ANO4: variants seen among roughly 807,000 people sequenced by gnomAD.
ANO4 encodes the protein anoctamin 4, also known as anoctamin-4.
A neutral mutation model predicts 141.9 loss-of-function variants in ANO4; 69 were observed. That is an observed-to-expected ratio of 0.49 (90% CI 0.40 to 0.59). The LOEUF (loss-of-function observed/expected upper bound fraction) is 0.59, where lower values mean the gene tolerates loss of function less well. Ranked by LOEUF, ANO4 falls within the 20% of genes least tolerant of loss-of-function variation. The probability of loss-of-function intolerance (pLI) is 0.00; values close to 1 mark genes in which losing one functional copy is unlikely to be tolerated. For missense variants in ANO4, 894 were observed against 1,162.2 expected (o/e 0.77, Z 3.36); for synonymous variants, 350 against 394.3 (o/e 0.89, Z 1.33).
At chr12:100,970,845 A>G (rs928624066) in intron 5 of ANO4, among the ~76,000 whole-genome samples, 15 of 152,006 alleles carry the variant, frequency 9.9e-5, no homozygotes, top group Non-Finnish European at 2.2e-4. Flanking sequence ...CAGCCTCCCC[A>G]GTACCTGGGG....
At chr12:101,098,991 C>T (rs1159326984) in intron 21 of ANO4, among the ~76,000 whole-genome samples, 1 of 152,160 alleles carries the variant, frequency 6.6e-6, no homozygotes, top group Non-Finnish European at 1.5e-5. Context: ...AAAATGCACT[C>T]CTGAACACTG....
rs773851110 is a variant in ANO4, at chr12:101,110,574, A to G, written c.2302+18A>G. On this transcript the variant is annotated intron_variant, in intron 23 of 27. Transcript: ENST00000392977. ...AGACATAGGTAAGTTGGATTTGGGT[A>G]TGTTTTTAAAAAACATATTAAACAT... 6.5e-7 allele frequency: 1 copy of G among 1,528,964 alleles called. No individual in the cohort carries two copies. The highest frequency in any genetic ancestry group is 8.8e-7 in the Non-Finnish European group (1 of 1,140,514). The allele number at this position is 1,528,964 out of a possible 1,614,324, so 94.7% of individuals were successfully genotyped here. A position where few individuals can be genotyped will look rare whatever the true frequency, so the allele number is the denominator to read the frequency against.
chr12:101,088,517 T>G (rs1456270164), intron 17 of ANO4, among the ~76,000 whole-genome samples: 1 of 152,036 alleles, frequency 6.6e-6, no homozygotes, highest in Non-Finnish European at 1.5e-5. Flanking sequence ...TTCTTTATTT[T>G]GTTTGTTTGT....
intron 17 of ANO4, among the ~76,000 whole-genome samples, chr12:101,091,885 A>G (rs900665164): frequency 6.6e-6 from 1 of 152,090 alleles, no homozygotes; most frequent in Non-Finnish European, 1.5e-5. Flanking sequence ...ATTTTTACAA[A>G]AGCCCTCTAG....
intron 1 of ANO4, among the ~76,000 whole-genome samples, chr12:100,730,745 T>A (rs2031349522): frequency 1.3e-5 from 2 of 152,206 alleles, no homozygotes; most frequent in Admixed American, 1.3e-4. Flanking sequence ...GGAAGCATTC[T>A]AGAGATTGGA....
At chr12:100,895,407 G>A (rs1489613692) in intron 1 of ANO4, among the ~76,000 whole-genome samples, 1 of 152,100 alleles carries the variant, frequency 6.6e-6, no homozygotes, top group East Asian at 1.9e-4. Context: ...ACTGCTAACT[G>A]TGCAGTGAAG....
At chr12:100,929,074 A>G (rs2041987906) in intron 3 of ANO4, among the ~76,000 whole-genome samples, 1 of 152,108 alleles carries the variant, frequency 6.6e-6, no homozygotes, top group Non-Finnish European at 1.5e-5. Flanking sequence ...ACATCAGTGT[A>G]AATGGGGTAT....
At chr12:100,949,004 C>T (rs1186850347) in intron 5 of ANO4, among the ~76,000 whole-genome samples, 1 of 152,128 alleles carries the variant, frequency 6.6e-6, no homozygotes, top group African/African-American at 2.4e-5. Context: ...GGCCACCTAG[C>T]AAAGAAAGGT....
intron 25 of ANO4, among the ~76,000 whole-genome samples, chr12:101,118,988 A>G (rs1396886450): frequency 6.6e-6 from 1 of 150,462 alleles, no homozygotes; most frequent in Non-Finnish European, 1.5e-5. Flanking sequence ...TGTCCTTGAG[A>G]TAGTTTGCTG....
At chr12:100,932,473 G>A (rs919958748) in intron 3 of ANO4, among the ~76,000 whole-genome samples, 5 of 151,018 alleles carry the variant, frequency 3.3e-5, no homozygotes, top group Admixed American at 2.6e-4. Flanking sequence ...CTAAATCTTT[G>A]TTCAATGAAC....
chr12:101,033,462 TATAATA>T (rs756110474), intron 9 of ANO4, among the ~76,000 whole-genome samples: 61 of 150,886 alleles, frequency 4.0e-4, no homozygotes, highest in Non-Finnish European at 6.9e-4. Flanking sequence ...AAACTTAAAG[TATAATA>T]ATAATAATAA....
chr12:101,031,652 G>A (rs2046980929), intron 9 of ANO4, among the ~76,000 whole-genome samples: 2 of 152,180 alleles, frequency 1.3e-5, no homozygotes, highest in Admixed American at 1.3e-4. Context: ...CTCTCTGTTT[G>A]CAGATGACAT....
intron 1 of ANO4, among the ~76,000 whole-genome samples, chr12:100,730,456 C>G (rs951012322): frequency 6.6e-6 from 1 of 152,166 alleles, no homozygotes; most frequent in Non-Finnish European, 1.5e-5. Flanking sequence ...TGACTCTCAT[C>G]CCAGTGCTTT....
At chr12:100,743,347 G>C (rs1244389348) in intron 3 of ANO4, among the ~76,000 whole-genome samples, 2 of 151,480 alleles carry the variant, frequency 1.3e-5, no homozygotes, top group African/African-American at 2.4e-5. Flanking sequence ...TCAATTAAAA[G>C]AAGGTAAATT....
At chr12:100,934,080 G>T (rs1040450708) in intron 3 of ANO4, among the ~76,000 whole-genome samples, 1 of 151,970 alleles carries the variant, frequency 6.6e-6, no homozygotes, top group Non-Finnish European at 1.5e-5. Flanking sequence ...TTCTTTTGCC[G>T]TGCAGAACCT....
chr12:100,997,943 G>A (rs2045464299), intron 8 of ANO4, among the ~76,000 whole-genome samples: 1 of 152,114 alleles, frequency 6.6e-6, no homozygotes, highest in Admixed American at 6.6e-5. Flanking sequence ...AACTGCTCAT[G>A]GCCATAACTT....
rs74827246 is a variant in ANO4, at chr12:100,862,867, A to G, written c.-140-38779A>G. On this transcript the variant is annotated intron_variant, in intron 1 of 27. Transcript: ENST00000392977. ...TGACTGAAACGTCATTATGCAGTGC[A>G]TGACTGTATACGGTAAGTCAGGCAG... Among the ~76,000 whole-genome samples the G allele has an allele frequency of 2.4e-3, 367 of 152,316 alleles. 2 individuals are homozygous for G. Among genetic ancestry groups the G allele is most frequent in the East Asian group, 0.018 (95 of 5,178 alleles).
At chr12:100,902,106 T>G (rs1225417128) in intron 2 of ANO4, among the ~76,000 whole-genome samples, 1 of 152,186 alleles carries the variant, frequency 6.6e-6, no homozygotes, top group East Asian at 1.9e-4. Flanking sequence ...GCATAAACTC[T>G]TGCTCAGTTC....
rs574804796 is a variant in ANO4, at chr12:100,907,058, G to A, written c.55+5218G>A. ...CTTCAGTGGTTCTCTCAGACACCAA[G>A]GTTCTCCTCCAGAGAGGATAATTAG... is the stretch of plus-strand genomic sequence containing the variant. On this transcript the variant is annotated intron_variant, in intron 2 of 27. Transcript: ENST00000392977. 2.9e-4 allele frequency among the ~76,000 whole-genome samples: 44 copies of A among 152,260 alleles called. 1 individual carries two copies. In the South Asian group the frequency reaches 8.7e-3, roughly 30 times the overall value.
Sources: gnomAD v4.1 joint callset for allele counts (sites outside exome capture counted in the v4.1 genomes callset) on GRCh38, gnomAD v4.1.1 for gene constraint, MANE v1.5 for transcripts, NCBI Gene and HGNC (gene_info 2026-07-23, HGNC 2026-07-21) for gene names.